Variants in ZBTB16 observed in about 807,000 individuals in gnomAD.
ZBTB16 encodes zinc finger and BTB domain containing 16, also known as zinc finger and BTB domain-containing protein 16.
ZBTB16 carries 8 observed loss-of-function variants against 56.8 expected under a neutral mutation model. That is an observed-to-expected ratio of 0.14 (90% CI 0.08 to 0.25). The LOEUF (loss-of-function observed/expected upper bound fraction) is 0.25, where lower values mean the gene tolerates loss of function less well. Among genes scored for constraint, ZBTB16 ranks in the 10% least tolerant of loss-of-function variants. ZBTB16 has a pLI of 1.00. For synonymous variants in ZBTB16, 363 were observed against 368.5 expected (o/e 0.98, Z 0.17); for missense variants, 625 against 903.0 (o/e 0.69, Z 3.95).
intron 2 of ZBTB16, among the ~76,000 whole-genome samples, chr11:114,142,511 C>G (rs1941979805): frequency 6.6e-6 from 1 of 152,328 alleles, no homozygotes; most frequent in Admixed American, 6.5e-5. Context: ...ATGAGGTGTT[C>G]AACATATGCG....
At chr11:114,155,425 G>A (rs955601962) in intron 2 of ZBTB16, among the ~76,000 whole-genome samples, 3 of 152,138 alleles carry the variant, frequency 2.0e-5, no homozygotes, top group East Asian at 1.9e-4. Flanking sequence ...GTGCTGGCTC[G>A]TGACTGAGCT....
chr11:114,210,998 A>C (rs190620096), intron 4 of ZBTB16: 2,569 of 175,300 alleles, frequency 0.015, 54 homozygotes, highest in African/African-American at 0.058. Context: ...GCTCACTGCA[A>C]CCTCCGCCTC....
chr11:114,239,425 G>A (rs897741417), intron 4 of ZBTB16, among the ~76,000 whole-genome samples: 2 of 152,142 alleles, frequency 1.3e-5, no homozygotes, highest in African/African-American at 2.4e-5. Flanking sequence ...GGGCAGAGAG[G>A]GAGTAGATGC....
At chr11:114,099,462 T>TAA (rs963881978) in intron 2 of ZBTB16, among the ~76,000 whole-genome samples, 1 of 144,854 alleles carries the variant, frequency 6.9e-6, no homozygotes. Flanking sequence ...GCACCTGGCT[T>TAA]AAAAAAAAAA....
At position 114,064,378 on chromosome 11, in the gene ZBTB16, C is replaced by T; in HGVS notation, c.1078C>T (p.Pro360Ser). 6.2e-7 allele frequency: 1 copy of T among 1,614,092 alleles called. No homozygotes were observed. Among genetic ancestry groups the T allele is most frequent in the Non-Finnish European group, 8.5e-7 (1 of 1,180,032 alleles). ...SSVTSGLHVQ[P>S]ALAVSMDFST... ...CGTGACCTCTGGCCTCCACGTGCAG[C>T]CTGCCCTGGCTGTCTCCATGGACTT... The change falls in exon 2 of 7, where the codon CCT (proline) becomes TCT (serine). Residue 360 changes from proline (P) to serine (S), a missense_variant. Around this residue, in one of 6 missense-constraint regions of ZBTB16, gnomAD observed 384 missense variants for 393.5 expected, o/e 0.98. Coordinates refer to ENST00000335953, the MANE Select transcript of ZBTB16 (RefSeq NM_006006.6). This position sits in a 1 kb window ranked among gnomAD's most constrained non-coding sequence, Gnocchi z 4.2.
At position 114,255,622 on chromosome 11, in the gene ZBTB16, C is replaced by T. The variant is rs564921296; in HGVS notation, c.*5067C>T. On this transcript the variant is annotated 3_prime_UTR_variant, in exon 7 of 7. Coordinates refer to ENST00000335953, the MANE Select transcript of ZBTB16 (RefSeq NM_006006.6). ...GTTCTAGTTCCGAAGCAGTTTCACT[C>T]GAAGTTGTGCAGTCCTGGTTGCAGC... Among the ~76,000 whole-genome samples the T allele has an allele frequency of 7.2e-4, 109 of 151,398 alleles. No homozygotes were observed. Among genetic ancestry groups the T allele is most frequent in the African/African-American group, 2.5e-3 (104 of 41,184 alleles).
intron 2 of ZBTB16, chr11:114,121,719 G>T (rs1168173239): frequency 2.3e-6 from 1 of 433,706 alleles, no homozygotes; most frequent in African/African-American, 2.0e-5. Flanking sequence ...AATCATGACT[G>T]TCTGATCCCA....
In ZBTB16 at chr11:114,143,420, G is replaced by C. The variant is rs554247193; in HGVS notation, c.1269-12917G>C. ...AACACACTTAAAAGACAGAGGCTGG[G>C]GGGGAAAGGGGGTCAGCTTTGAGAG... On this transcript the variant is annotated intron_variant, in intron 2 of 6. Coordinates refer to ENST00000335953, the MANE Select transcript of ZBTB16 (RefSeq NM_006006.6). The surrounding 1 kb of genome is among the most constrained non-coding windows in gnomAD (Gnocchi z 6.4). 4.6e-5 allele frequency among the ~76,000 whole-genome samples: 7 copies of C among 152,160 alleles called. No individual in the cohort carries two copies. The highest frequency in any genetic ancestry group is 6.5e-5 in the Admixed American group (1 of 15,278).
At chr11:114,086,971 C>T (rs1478092051) in intron 2 of ZBTB16, among the ~76,000 whole-genome samples, 1 of 152,210 alleles carries the variant, frequency 6.6e-6, no homozygotes, top group East Asian at 1.9e-4. Context: ...CAACTTCTCC[C>T]CCTCCTCCTC....
At chr11:114,211,644 G>A (rs1267759263) in intron 4 of ZBTB16, among the ~76,000 whole-genome samples, 1 of 152,098 alleles carries the variant, frequency 6.6e-6, no homozygotes. Flanking sequence ...GCATTGGGGT[G>A]TTATTGGCGA....
At position 114,250,662 on chromosome 11, in the gene ZBTB16, A is replaced by G; in HGVS notation, c.*107A>G. The stretch of plus-strand genomic sequence containing the variant: ...AAAAAAGGAAAAGAAAAAAAAAAAC[A>G]GAAGGAAAAGGAAACCTGGTAGCTT... On this transcript the variant is annotated 3_prime_UTR_variant, in exon 7 of 7. Transcript: ENST00000335953. The surrounding 1 kb of genome is among the most constrained non-coding windows in gnomAD (Gnocchi z 6.0). 1 of 1,246,754 alleles carries G rather than the reference A, an allele frequency of 8.0e-7. No homozygotes were observed. The highest frequency in any genetic ancestry group is 2.5e-5 in the East Asian group (1 of 39,756). 77.2% of individuals were successfully genotyped at this position (1,246,754 alleles called of 1,614,324 possible).
intron 2 of ZBTB16, among the ~76,000 whole-genome samples, chr11:114,151,733 A>T (rs1048944568): frequency 2.6e-5 from 4 of 152,186 alleles, no homozygotes; most frequent in Non-Finnish European, 4.4e-5. Context: ...TCCCTTTGAC[A>T]TCTGCTAGTG....
intron 3 of ZBTB16, among the ~76,000 whole-genome samples, chr11:114,172,268 A>G (rs1942989524): frequency 6.6e-6 from 1 of 152,194 alleles, no homozygotes; most frequent in Non-Finnish European, 1.5e-5. Context: ...GAAGAGACAA[A>G]AACTGAACAC....
chr11:114,185,026 A>G (rs561879510), intron 3 of ZBTB16, among the ~76,000 whole-genome samples: 1 of 151,992 alleles, frequency 6.6e-6, no homozygotes, highest in African/African-American at 2.4e-5. Flanking sequence ...AAATAAATAA[A>G]TAAAATAAAA....
At chr11:114,178,370 C>G (rs1377971567) in intron 3 of ZBTB16, among the ~76,000 whole-genome samples, 3 of 152,184 alleles carry the variant, frequency 2.0e-5, no homozygotes, top group African/African-American at 7.2e-5. Flanking sequence ...GGCATAAACA[C>G]TCTGAGCCCA....
intron 2 of ZBTB16, among the ~76,000 whole-genome samples, chr11:114,114,730 A>G (rs1941119782): frequency 6.6e-6 from 1 of 150,538 alleles, no homozygotes; most frequent in African/African-American, 2.5e-5. Context: ...CCCAGGCTAG[A>G]GTGCAGTGGT....
intron 2 of ZBTB16, among the ~76,000 whole-genome samples, chr11:114,105,246 T>C (rs1388990121): frequency 6.5e-5 from 9 of 138,408 alleles, no homozygotes; most frequent in East Asian, 2.0e-4. Context: ...CTCTCTCTCT[T>C]TTTTTTTTTT....
chr11:114,226,596 G>A lies in ZBTB16; in HGVS notation c.1454-15571G>A, dbSNP rs76505086. On this transcript the variant is annotated intron_variant, in intron 4 of 6. Transcript: ENST00000335953. Reference sequence around the variant, plus strand: ...CTACTTCACGTTTCCTTTTAGTGTCGGCATCTGAGGCTGGGGTTTCTCTCC... The same window carrying A: ...CTACTTCACGTTTCCTTTTAGTGTCAGCATCTGAGGCTGGGGTTTCTCTCC... Among the ~76,000 whole-genome samples the A allele has an allele frequency of 2.6e-4, 40 of 152,200 alleles. 1 individual carries two copies. In the East Asian group the frequency reaches 6.4e-3, roughly 24 times the overall value.
intron 2 of ZBTB16, among the ~76,000 whole-genome samples, chr11:114,153,345 C>T (rs1438802316): frequency 6.6e-6 from 1 of 152,172 alleles, no homozygotes; most frequent in Admixed American, 6.5e-5. Flanking sequence ...GACCTTTGCC[C>T]TTGTACTTCA....
Sources: allele counts gnomAD v4.1 joint callset (sites outside exome capture counted in the v4.1 genomes callset), GRCh38; gene constraint gnomAD v4.1.1; regional missense constraint gnomAD v4.1.1; non-coding constraint Gnocchi (gnomAD v3.1); transcripts MANE v1.5; gene names NCBI Gene and HGNC (gene_info 2026-07-23, HGNC 2026-07-21).